VPS13B: variants seen among roughly 807,000 people sequenced by gnomAD.
VPS13B encodes vacuolar protein sorting 13 homolog B.
Under a neutral mutation model 426.4 loss-of-function variants are expected in VPS13B, and 285 were observed. The ratio of observed to expected loss-of-function variants is 0.67; its 90% CI spans 0.61 to 0.74. The LOEUF (loss-of-function observed/expected upper bound fraction) is 0.74. Among genes scored for constraint, VPS13B ranks in the 30% least tolerant of loss-of-function variants. VPS13B has a pLI of 0.00. For missense variants in VPS13B, 4,537 were observed against 4,782.6 expected (o/e 0.95, Z 1.51); for synonymous variants, 1,676 against 1,676.4 (o/e 1.00, Z 0.01).
At chr8:99,422,053 T>A (rs974349364) in intron 21 of VPS13B, among the ~76,000 whole-genome samples, 3 of 152,156 alleles carry the variant, frequency 2.0e-5, no homozygotes, top group Non-Finnish European at 4.4e-5. Context: ...GAGGTTTTGA[T>A]TAAATAAGAT....
chr8:99,487,329 T>A (rs1457776453), intron 25 of VPS13B, among the ~76,000 whole-genome samples: 3 of 152,198 alleles, frequency 2.0e-5, no homozygotes, highest in Non-Finnish European at 4.4e-5. Context: ...AGTCTCCATA[T>A]TGTTAGTATT....
At chr8:99,584,864 G>A (rs1261157554) in intron 33 of VPS13B, among the ~76,000 whole-genome samples, 1 of 152,076 alleles carries the variant, frequency 6.6e-6, no homozygotes. Context: ...TAATATTTCT[G>A]CTTTCATGTC....
chr8:99,241,812 T>G (rs904078292), intron 17 of VPS13B, among the ~76,000 whole-genome samples: 3 of 152,164 alleles, frequency 2.0e-5, no homozygotes, highest in Admixed American at 6.5e-5. Context: ...ACTAGAAAAT[T>G]GATCTTCAAA....
At chr8:99,064,329 G>A (rs1373909671) in intron 3 of VPS13B, among the ~76,000 whole-genome samples, 2 of 152,114 alleles carry the variant, frequency 1.3e-5, no homozygotes, top group East Asian at 1.9e-4. Flanking sequence ...GAGGATGGTC[G>A]AATCCATTGC....
intron 23 of VPS13B, among the ~76,000 whole-genome samples, chr8:99,445,038 C>T (rs1817845063): frequency 6.6e-6 from 1 of 151,950 alleles, no homozygotes; most frequent in African/African-American, 2.4e-5. Flanking sequence ...AGGCTGGTCT[C>T]GAACTCCTGA....
At chr8:99,156,245 T>C (rs1811352365) in intron 14 of VPS13B, among the ~76,000 whole-genome samples, 2 of 152,192 alleles carry the variant, frequency 1.3e-5, no homozygotes, top group Admixed American at 1.3e-4. Context: ...TAATAAAATA[T>C]CTTCATCATA....
At chr8:99,130,137 T>C (rs1166275332) in intron 8 of VPS13B, among the ~76,000 whole-genome samples, 1 of 152,212 alleles carries the variant, frequency 6.6e-6, no homozygotes, top group Non-Finnish European at 1.5e-5. Flanking sequence ...TTTTAGAACA[T>C]TTATGTTTCT....
At chr8:99,493,682 T>C (rs1820734091) in intron 25 of VPS13B, among the ~76,000 whole-genome samples, 1 of 148,614 alleles carries the variant, frequency 6.7e-6, no homozygotes, top group African/African-American at 2.5e-5. Flanking sequence ...TTCGGGAGGC[T>C]GCAACAGGAG....
chr8:99,539,080 TACTC>T (rs1307256231), intron 30 of VPS13B, among the ~76,000 whole-genome samples: 1 of 152,182 alleles, frequency 6.6e-6, no homozygotes, highest in Non-Finnish European at 1.5e-5. Flanking sequence ...CGTCATAGCT[TACTC>T]ACTTTTCAAG....
chr8:99,312,798 A>G (rs960302868), intron 19 of VPS13B, among the ~76,000 whole-genome samples: 2 of 152,164 alleles, frequency 1.3e-5, no homozygotes, highest in African/African-American at 4.8e-5. Flanking sequence ...GTCACTTTCA[A>G]GTACACCAAT....
chr8:99,473,327 A>G (rs2133530939), intron 24 of VPS13B, among the ~76,000 whole-genome samples: 1 of 152,210 alleles, frequency 6.6e-6, no homozygotes, highest in South Asian at 2.1e-4. Context: ...ATGGCCAACT[A>G]GGAATTATCT....
rs372703405 is a variant in VPS13B, at chr8:99,320,769, A to G, written c.2824+45515A>G. Among the ~76,000 whole-genome samples, 14 of 152,336 alleles carry G rather than the reference A, an allele frequency of 9.2e-5. No homozygotes were observed. In the East Asian group the frequency reaches 2.3e-3, roughly 25 times the overall value. The stretch of plus-strand genomic sequence containing the variant: ...CTTAAATATTTGATGATTATTATGA[A>G]TAAGAGTTTTTAAAGCAGTCACTTT... On this transcript the variant is annotated intron_variant, in intron 19 of 61. Transcript: ENST00000357162.
At chr8:99,234,610 G>A (rs1402143127) in intron 17 of VPS13B, among the ~76,000 whole-genome samples, 1 of 152,190 alleles carries the variant, frequency 6.6e-6, no homozygotes, top group African/African-American at 2.4e-5. Flanking sequence ...GTGCGCTCGC[G>A]CAGTCCCTAG....
At chr8:99,409,035 G>C in intron 21 of VPS13B, among the ~76,000 whole-genome samples, 1 of 152,112 alleles carries the variant, frequency 6.6e-6, no homozygotes, top group African/African-American at 2.4e-5. Flanking sequence ...CTAGTTCTAG[G>C]AAAGTCCATT....
At chr8:99,615,285 A>G (rs1321917797) in intron 33 of VPS13B, among the ~76,000 whole-genome samples, 4 of 152,174 alleles carry the variant, frequency 2.6e-5, no homozygotes, top group African/African-American at 9.7e-5. Context: ...TAGTGCAAAA[A>G]CCATAGAATG....
chr8:99,276,808 G>A (rs930487189), intron 19 of VPS13B, among the ~76,000 whole-genome samples: 5 of 152,050 alleles, frequency 3.3e-5, no homozygotes, highest in Non-Finnish European at 4.4e-5. Flanking sequence ...ATAAACTTAA[G>A]ATGATACTAA....
intron 3 of VPS13B, among the ~76,000 whole-genome samples, chr8:99,049,589 C>T (rs1175607354): frequency 6.6e-6 from 1 of 151,792 alleles, no homozygotes; most frequent in African/African-American, 2.4e-5. Context: ...TTTTGCCTCA[C>T]AGCTCTTAAG....
At chr8:99,686,517 C>A (rs1831411100) in intron 35 of VPS13B, among the ~76,000 whole-genome samples, 1 of 151,976 alleles carries the variant, frequency 6.6e-6, no homozygotes, top group Non-Finnish European at 1.5e-5. Context: ...CCTTAGGAAT[C>A]TACTTGGTGC....
intron 33 of VPS13B, among the ~76,000 whole-genome samples, chr8:99,610,194 G>T (rs1827781688): frequency 6.6e-6 from 1 of 152,028 alleles, no homozygotes; most frequent in African/African-American, 2.4e-5. Context: ...ATTCCTCAAG[G>T]ATCTAGAACC....
Sources: allele counts gnomAD v4.1 joint callset (sites outside exome capture counted in the v4.1 genomes callset), GRCh38; gene constraint gnomAD v4.1.1; transcripts MANE v1.5; gene names NCBI Gene and HGNC (gene_info 2026-07-23, HGNC 2026-07-21).